The following GABRG3 variants were observed in gnomAD, a reference collection of about 807,000 sequenced individuals.
The protein encoded by GABRG3 is gamma-aminobutyric acid receptor subunit gamma-3.
GABRG3 carries 25 observed loss-of-function variants against 48.8 expected under a neutral mutation model. The ratio of observed to expected loss-of-function variants is 0.51; its 90% CI spans 0.37 to 0.72. The LOEUF (loss-of-function observed/expected upper bound fraction) is 0.72, where lower values mean the gene tolerates loss of function less well. Among genes scored for constraint, GABRG3 ranks in the 30% least tolerant of loss-of-function variants. GABRG3 has a pLI of 0.00. For missense variants in GABRG3, 394 were observed against 577.9 expected (o/e 0.68, Z 3.26); for synonymous variants, 227 against 217.6 (o/e 1.04, Z -0.38).
chr15:27,014,894 G>C (rs1344627708), intron 2 of GABRG3, among the ~76,000 whole-genome samples: 1 of 152,122 alleles, frequency 6.6e-6, no homozygotes, highest in Non-Finnish European at 1.5e-5. Flanking sequence ...TCGTGTTGCT[G>C]TCTAGTTGTC....
intron 2 of GABRG3, among the ~76,000 whole-genome samples, chr15:27,005,167 C>G (rs73367705): frequency 0.049 from 7,470 of 152,116 alleles, 602 homozygotes; most frequent in African/African-American, 0.17. Context: ...CATTTTCCCT[C>G]AATATTTAAA....
At chr15:27,051,404 G>C (rs1896453420) in intron 3 of GABRG3, among the ~76,000 whole-genome samples, 1 of 152,194 alleles carries the variant, frequency 6.6e-6, no homozygotes, top group Admixed American at 6.5e-5. Context: ...TTGATGAATA[G>C]TATATGTTGT....
intron 5 of GABRG3, chr15:27,428,061 T>G (rs1421264179): frequency 6.6e-6 from 1 of 152,414 alleles, no homozygotes; most frequent in Non-Finnish European, 1.5e-5. Context: ...TTTTTTTAAT[T>G]TTTCTTTTGT....
At chr15:27,413,965 T>C (rs1477059503) in intron 5 of GABRG3, among the ~76,000 whole-genome samples, 1 of 152,214 alleles carries the variant, frequency 6.6e-6, no homozygotes, top group Non-Finnish European at 1.5e-5. Context: ...TCTAGAAAAT[T>C]AAATTTGTAT....
intron 3 of GABRG3, among the ~76,000 whole-genome samples, chr15:27,203,039 G>A (rs1281807157): frequency 6.6e-6 from 1 of 152,048 alleles, no homozygotes; most frequent in East Asian, 1.9e-4. Context: ...ATATGGAACT[G>A]TTTTACCTTT....
At chr15:27,385,132 A>G (rs1452791437) in intron 5 of GABRG3, among the ~76,000 whole-genome samples, 3 of 152,046 alleles carry the variant, frequency 2.0e-5, no homozygotes, top group Admixed American at 6.6e-5. Context: ...CACCCCTCCT[A>G]GGGTTATTTA....
chr15:27,146,267 A>T (rs769666057), intron 3 of GABRG3, among the ~76,000 whole-genome samples: 2 of 152,160 alleles, frequency 1.3e-5, no homozygotes, highest in African/African-American at 2.4e-5. Context: ...AGCCTGGCTA[A>T]CACGTTGAAA....
intron 3 of GABRG3, among the ~76,000 whole-genome samples, chr15:27,294,321 A>G (rs551257135): frequency 3.3e-5 from 5 of 151,382 alleles, no homozygotes; most frequent in Admixed American, 2.6e-4. Context: ...GGCTCAAGCA[A>G]TCCTGCCATC....
chr15:27,057,495 G>A lies in GABRG3; in HGVS notation c.270+30674G>A, dbSNP rs528394422. ...AAAACATTTCAGAGAATGTCATGGG[G>A]TGGTTTGAGGTCTGCTCAGTTTCCT... On this transcript the variant is annotated intron_variant, in intron 3 of 9. Transcript: ENST00000615808. 9.9e-5 allele frequency among the ~76,000 whole-genome samples: 15 copies of A among 152,274 alleles called. No individual in the cohort carries two copies. In the South Asian group the frequency reaches 3.1e-3, roughly 32 times the overall value.
rs36045792 is a variant in GABRG3 at position 27,015,383 on chromosome 15, A to AT, written c.203-11352dup. ...TGCCGCTCACTTTCTTTTGTGTTTG[A>AT]TTTTTTTTTTTTTTTTTTTGAGATG... On this transcript the variant is annotated intron_variant, in intron 2 of 9. Coordinates refer to ENST00000615808, the MANE Select transcript of GABRG3 (RefSeq NM_033223.5). Among the ~76,000 whole-genome samples the AT allele has an allele frequency of 5.5e-3, 602 of 110,264 alleles. 4 individuals are homozygous for AT. Among genetic ancestry groups the AT allele is most frequent in the East Asian group, 0.012 (49 of 3,960 alleles). The allele number at this position is 110,264 out of a possible 152,430, so 72.3% of individuals were successfully genotyped here.
intron 3 of GABRG3, among the ~76,000 whole-genome samples, chr15:27,154,307 A>G (rs1390703320): frequency 2.0e-5 from 3 of 152,178 alleles, no homozygotes; most frequent in African/African-American, 7.2e-5. Context: ...GGTCAAGCAG[A>G]GAATCTTTTT....
intron 5 of GABRG3, among the ~76,000 whole-genome samples, chr15:27,417,582 C>T (rs1887978726): frequency 6.6e-6 from 1 of 152,182 alleles, no homozygotes; most frequent in African/African-American, 2.4e-5. Context: ...GCTCATCGGC[C>T]TTCACAGTGT....
chr15:27,251,845 T>A (rs1890465209), intron 3 of GABRG3, among the ~76,000 whole-genome samples: 1 of 152,168 alleles, frequency 6.6e-6, no homozygotes, highest in Non-Finnish European at 1.5e-5. Context: ...CTTTCTCTGC[T>A]GGGTCCTACC....
intron 3 of GABRG3, among the ~76,000 whole-genome samples, chr15:27,174,104 AC>A (rs1176857961): frequency 6.6e-6 from 1 of 152,098 alleles, no homozygotes; most frequent in East Asian, 1.9e-4. Context: ...TTAAAAAAAA[AC>A]GAATGGCAAT....
At chr15:27,518,018 T>A (rs1595806374) in intron 6 of GABRG3, among the ~76,000 whole-genome samples, 1 of 152,164 alleles carries the variant, frequency 6.6e-6, no homozygotes, top group Admixed American at 6.5e-5. Flanking sequence ...AGTTTTCATC[T>A]GAGACCAATA....
rs946802009 is a variant in GABRG3 at position 27,046,168 on chromosome 15, A to G, written c.270+19347A>G. On this transcript the variant is annotated intron_variant, in intron 3 of 9. Transcript: ENST00000615808. ...GAGTGCAATGGCACGATCTCAGCTC[A>G]CCGCAACGTCCGTCTCCGGGGTTCA... Among the ~76,000 whole-genome samples the G allele has an allele frequency of 9.9e-5, 15 of 151,872 alleles. No individual in the cohort carries two copies. In the South Asian group the frequency reaches 2.3e-3, roughly 23 times the overall value.
intron 3 of GABRG3, among the ~76,000 whole-genome samples, chr15:27,248,879 G>T (rs956343672): frequency 6.6e-6 from 1 of 151,754 alleles, no homozygotes; most frequent in African/African-American, 2.4e-5. Context: ...CAGGGGCTGT[G>T]GAAGCTGTCA....
At chr15:27,309,134 T>C (rs533726928) in intron 3 of GABRG3, among the ~76,000 whole-genome samples, 1 of 128,874 alleles carries the variant, frequency 7.8e-6, no homozygotes, top group Non-Finnish European at 1.8e-5. Flanking sequence ...AATGTAAACA[T>C]AGATGTTTAT....
At chr15:27,464,904 C>T (rs573753624) in intron 5 of GABRG3, among the ~76,000 whole-genome samples, 12 of 152,202 alleles carry the variant, frequency 7.9e-5, no homozygotes, top group African/African-American at 2.6e-4. Context: ...TCATTCTGTG[C>T]CAGCACTCTT....
Sources: gnomAD v4.1 joint callset for allele counts (sites outside exome capture counted in the v4.1 genomes callset) on GRCh38, gnomAD v4.1.1 for gene constraint, MANE v1.5 for transcripts, NCBI Gene and HGNC (gene_info 2026-07-23, HGNC 2026-07-21) for gene names.